AOPEP: variants seen among roughly 807,000 people sequenced by gnomAD.
The protein encoded by AOPEP is aminopeptidase O (putative), also known as aminopeptidase O.
A neutral mutation model predicts 98.1 loss-of-function variants in AOPEP; 77 were observed. The ratio of observed to expected loss-of-function variants is 0.78; its 90% CI spans 0.65 to 0.95. The LOEUF (loss-of-function observed/expected upper bound fraction) is 0.95. Ranked by LOEUF, AOPEP falls within the 40% of genes least tolerant of loss-of-function variation. The pLI is 0.00. For synonymous variants in AOPEP, 346 were observed against 365.3 expected (o/e 0.95, Z 0.60); for missense variants, 1,024 against 1,024.7 (o/e 1.00, Z 0.01).
In AOPEP at chr9:95,005,868, A is replaced by C. The variant is rs1448145726; in HGVS notation, c.2115+252A>C. On this transcript the variant is annotated intron_variant, in intron 13 of 16. Transcript: ENST00000375315. ...TCATTAAATACAGCAATCGGACTTA[A>C]GTGGGTTCCATTATTATTTTAGATC... 5.2e-6 allele frequency: 3 copies of C among 573,918 alleles called. No individual in the cohort carries two copies. In the Admixed American group the frequency reaches 9.0e-5, roughly 17 times the overall value. 35.6% of individuals were successfully genotyped at this position (573,918 alleles called of 1,614,324 possible). A position where few individuals can be genotyped will look rare whatever the true frequency, so the allele number is the denominator to read the frequency against.
intron 5 of AOPEP, among the ~76,000 whole-genome samples, chr9:94,843,316 C>T (rs2042491836): frequency 1.3e-5 from 2 of 152,314 alleles, no homozygotes; most frequent in African/African-American, 2.4e-5. Flanking sequence ...CCTTGAAAAT[C>T]CACTTCAGGA....
chr9:94,818,797 A>G (rs760052673), intron 5 of AOPEP, among the ~76,000 whole-genome samples: 1 of 152,188 alleles, frequency 6.6e-6, no homozygotes, highest in Non-Finnish European at 1.5e-5. Flanking sequence ...GATCGAGACC[A>G]TCCTGGCTAA....
intron 13 of AOPEP, among the ~76,000 whole-genome samples, chr9:95,033,479 T>G (rs145944474): frequency 8.0e-4 from 122 of 152,292 alleles, no homozygotes; most frequent in African/African-American, 2.8e-3. Flanking sequence ...TGTATGTGGT[T>G]CTGTCTCCAT....
intron 14 of AOPEP, among the ~76,000 whole-genome samples, chr9:95,069,922 C>T (rs1193453264): frequency 6.6e-6 from 1 of 152,270 alleles, no homozygotes; most frequent in African/African-American, 2.4e-5. Flanking sequence ...TAGGAATTTA[C>T]TAACCTGGCT....
intron 5 of AOPEP, among the ~76,000 whole-genome samples, chr9:94,871,706 CA>C (rs2046365770): frequency 6.6e-6 from 1 of 151,884 alleles, no homozygotes; most frequent in South Asian, 2.1e-4. Flanking sequence ...TCTCATTCAT[CA>C]AAGTAACAAG....
At chr9:94,735,356 G>T (rs907585277) in intron 1 of AOPEP, among the ~76,000 whole-genome samples, 3 of 152,174 alleles carry the variant, frequency 2.0e-5, no homozygotes, top group African/African-American at 7.2e-5. Flanking sequence ...AAGTAGCTGG[G>T]ACTACAGGCA....
chr9:94,879,131 A>G (rs1212048682), intron 5 of AOPEP, among the ~76,000 whole-genome samples: 1 of 152,222 alleles, frequency 6.6e-6, no homozygotes, highest in Non-Finnish European at 1.5e-5. Flanking sequence ...GGAGCAGTTT[A>G]GGGAGGGTTG....
chr9:94,830,476 A>G (rs1229795341), intron 5 of AOPEP, among the ~76,000 whole-genome samples: 3 of 152,178 alleles, frequency 2.0e-5, no homozygotes, highest in Non-Finnish European at 4.4e-5. Context: ...TGTCTTTGCT[A>G]TTGTGAATAG....
chr9:95,110,417 G>A, the AOPEP span: 4 of 1,024,880 alleles, frequency 3.9e-6, no homozygotes, highest in East Asian at 6.4e-5. Flanking sequence ...ACATCAACCA[G>A]GATTTTCCTT....
chr9:95,056,611 T>C (rs556981338), intron 13 of AOPEP: 1 of 152,262 alleles, frequency 6.6e-6, no homozygotes, highest in East Asian at 1.9e-4. Context: ...GCCTCTAGTT[T>C]AGGAGGGTGG....
intron 7 of AOPEP, chr9:94,932,711 T>C (rs2055558991): frequency 1.4e-6 from 1 of 712,714 alleles, no homozygotes; most frequent in Admixed American, 6.3e-5. Flanking sequence ...CTCAAACTCC[T>C]AACCTCAAGT....
chr9:95,085,276 A>G (rs1316630116), intron 16 of AOPEP: 1 of 484,828 alleles, frequency 2.1e-6, no homozygotes, highest in South Asian at 1.5e-5. Context: ...TCACATTGCC[A>G]GGGATTACCA....
At chr9:95,007,136 G>A (rs1455963698) in intron 13 of AOPEP, among the ~76,000 whole-genome samples, 1 of 152,078 alleles carries the variant, frequency 6.6e-6, no homozygotes, top group Non-Finnish European at 1.5e-5. Context: ...TCCTGACTTC[G>A]TGATCTGCCC....
At chr9:95,108,909 C>CTT in the AOPEP span, among the ~76,000 whole-genome samples, 369 of 144,362 alleles carry the variant, frequency 2.6e-3, 1 homozygote, top group Non-Finnish European at 4.6e-3. Context: ...TCTTCAAGAC[C>CTT]TTTTTTTTTT....
intron 5 of AOPEP, among the ~76,000 whole-genome samples, chr9:94,870,424 T>G (rs1325702172): frequency 6.6e-6 from 1 of 152,258 alleles, no homozygotes; most frequent in Non-Finnish European, 1.5e-5. Flanking sequence ...CTGAGTGGCT[T>G]ACATACATTC....
intron 2 of AOPEP, among the ~76,000 whole-genome samples, chr9:94,769,630 G>C (rs986476634): frequency 7.2e-5 from 11 of 152,208 alleles, no homozygotes; most frequent in African/African-American, 2.2e-4. Flanking sequence ...CAGAGTTATA[G>C]CTCTGGATAC....
intron 4 of AOPEP, among the ~76,000 whole-genome samples, chr9:94,798,469 C>T (rs916581658): frequency 1.3e-5 from 2 of 152,170 alleles, no homozygotes; most frequent in Admixed American, 6.5e-5. Flanking sequence ...GAAATTCATC[C>T]GGCCAAACAC....
At chr9:94,876,422 A>G (rs184496021) in intron 5 of AOPEP, among the ~76,000 whole-genome samples, 12 of 150,736 alleles carry the variant, frequency 8.0e-5, no homozygotes, top group African/African-American at 2.7e-4. Context: ...CTGGAGTGCA[A>G]TGGCGCGATC....
At chr9:95,061,371 T>G (rs1481077695) in intron 14 of AOPEP, among the ~76,000 whole-genome samples, 1 of 152,156 alleles carries the variant, frequency 6.6e-6, no homozygotes, top group Non-Finnish European at 1.5e-5. Context: ...AAATAGTAAA[T>G]AATGTATTCA....
Sources: allele counts gnomAD v4.1 joint callset (sites outside exome capture counted in the v4.1 genomes callset), GRCh38; gene constraint gnomAD v4.1.1; transcripts MANE v1.5; gene names NCBI Gene and HGNC (gene_info 2026-07-23, HGNC 2026-07-21).